Variants in CACNA1C observed in about 807,000 individuals in gnomAD.
The protein encoded by CACNA1C is voltage-dependent L-type calcium channel subunit alpha-1C.
In CACNA1C, 30 loss-of-function variants were observed where a neutral mutation model predicts 229.0. The ratio of observed to expected loss-of-function variants is 0.13; its 90% CI spans 0.10 to 0.18. CACNA1C has a LOEUF of 0.18. Among genes scored for constraint, CACNA1C ranks in the 10% least tolerant of loss-of-function variants. The pLI is 1.00. For synonymous variants in CACNA1C, 1,114 were observed against 1,132.5 expected (o/e 0.98, Z 0.33); for missense variants, 1,658 against 2,845.0 (o/e 0.58, Z 9.49).
At chr12:2,242,879 CTG>C (rs2071190676) in intron 3 of CACNA1C, among the ~76,000 whole-genome samples, 2 of 152,182 alleles carry the variant, frequency 1.3e-5, no homozygotes, top group Non-Finnish European at 2.9e-5. Flanking sequence ...CAAAAGAACC[CTG>C]TGTGGTTAGC....
At chr12:1,975,708 T>G (rs893859403) in intron 1 of CACNA1C, among the ~76,000 whole-genome samples, 1 of 152,188 alleles carries the variant, frequency 6.6e-6, no homozygotes, top group African/African-American at 2.4e-5. Context: ...AGAACCTTAA[T>G]AGTCTTTATG....
intron 9 of CACNA1C, among the ~76,000 whole-genome samples, chr12:2,541,335 A>T (rs1473642087): frequency 6.6e-6 from 1 of 152,240 alleles, no homozygotes; most frequent in Non-Finnish European, 1.5e-5. Flanking sequence ...TTTGCTTGTT[A>T]ACCGTAAGTC....
chr12:2,436,621 T>G (rs114636074), intron 3 of CACNA1C, among the ~76,000 whole-genome samples: 2,286 of 152,314 alleles, frequency 0.015, 61 homozygotes, highest in African/African-American at 0.052. Flanking sequence ...TTCCAGTGTC[T>G]GCACGCTACT....
chr12:2,280,946 G>A (rs1396313985), intron 3 of CACNA1C, among the ~76,000 whole-genome samples: 1 of 152,214 alleles, frequency 6.6e-6, no homozygotes, highest in Non-Finnish European at 1.5e-5. Flanking sequence ...AACAGTTGCT[G>A]TAGGGCTCAT....
chr12:2,314,654 G>C (rs890352351), intron 3 of CACNA1C, among the ~76,000 whole-genome samples: 1 of 152,290 alleles, frequency 6.6e-6, no homozygotes, highest in Middle Eastern at 3.4e-3. Context: ...ATCCATGCCT[G>C]TAGTTTTAAA....
intron 3 of CACNA1C, among the ~76,000 whole-genome samples, chr12:2,326,591 TCA>T (rs1323358849): frequency 3.3e-5 from 5 of 152,210 alleles, no homozygotes; most frequent in Admixed American, 6.5e-5. Flanking sequence ...AGGAATGTAA[TCA>T]GGCTTGACCC....
At chr12:2,626,249 C>T (rs1311266342) in intron 29 of CACNA1C, among the ~76,000 whole-genome samples, 2 of 152,194 alleles carry the variant, frequency 1.3e-5, no homozygotes, top group African/African-American at 4.8e-5. Flanking sequence ...CAGGAGCACT[C>T]GCCCACTAGG....
chr12:2,463,005 T>G (rs149984835), intron 5 of CACNA1C, among the ~76,000 whole-genome samples: 4 of 147,108 alleles, frequency 2.7e-5, no homozygotes, highest in African/African-American at 1.0e-4. Context: ...CTCCGCCTCC[T>G]GGGTTCACGC....
Position 2,140,188 on chromosome 12 carries a change from T to TGGGACA in CACNA1C, c.477+19767_477+19772dup, listed in dbSNP as rs1325119167. On this transcript the variant is annotated intron_variant, in intron 3 of 46. Coordinates refer to ENST00000399655, the MANE Select transcript of CACNA1C (RefSeq NM_000719.7). ...TCCCATAACCAGAGAACCTCTGTCC[T>TGGGACA]GGGACAGGGACAGGCCCCAGCTCAC... Among the ~76,000 whole-genome samples, 7 of 151,252 alleles carry TGGGACA rather than the reference T, an allele frequency of 4.6e-5. No individual in the cohort carries two copies. In the East Asian group the frequency reaches 1.4e-3, roughly 29 times the overall value.
chr12:2,068,818 G>C (rs999377060), intron 1 of CACNA1C, among the ~76,000 whole-genome samples: 1 of 152,166 alleles, frequency 6.6e-6, no homozygotes, highest in Non-Finnish European at 1.5e-5. Context: ...GGGCAGCGCT[G>C]ACCCCAGCTT....
chr12:2,350,549 T>C (rs569064537), intron 3 of CACNA1C, among the ~76,000 whole-genome samples: 1 of 152,164 alleles, frequency 6.6e-6, no homozygotes, highest in African/African-American at 2.4e-5. Context: ...GGCCTGAATG[T>C]GTCCACAATG....
At position 2,602,068 on chromosome 12, in the gene CACNA1C, G is replaced by T. The variant is rs1014976266; in HGVS notation, c.2960+108G>T. ...GCCTGCAGGGCCACCGCAGTGTGAT[G>T]AGAGTGGGGTGGGGCCTCCAAAGCT... On this transcript the variant is annotated intron_variant, in intron 22 of 46. Transcript: ENST00000399655. The surrounding 1 kb of genome is among the most constrained non-coding windows in gnomAD (Gnocchi z 4.4). The T allele has an allele frequency of 8.8e-5, 65 of 737,406 alleles. No homozygotes were observed. In the Admixed American group the frequency reaches 1.2e-3, roughly 14 times the overall value. 45.7% of individuals were successfully genotyped at this position (737,406 alleles called of 1,614,324 possible).
chr12:2,522,081 G>C (rs1309783079), intron 9 of CACNA1C, among the ~76,000 whole-genome samples: 1 of 152,136 alleles, frequency 6.6e-6, no homozygotes, highest in African/African-American at 2.4e-5. Context: ...TCTGCCTACA[G>C]CACCTGTTTC....
intron 1 of CACNA1C, among the ~76,000 whole-genome samples, chr12:2,023,945 G>A (rs2046895440): frequency 6.6e-6 from 1 of 152,174 alleles, no homozygotes; most frequent in South Asian, 2.1e-4. Flanking sequence ...CCGGGAGTCA[G>A]GAAACCTGGG....
At chr12:2,111,971 T>G (rs1303810570) in intron 1 of CACNA1C, among the ~76,000 whole-genome samples, 1 of 152,112 alleles carries the variant, frequency 6.6e-6, no homozygotes, top group Non-Finnish European at 1.5e-5. Flanking sequence ...ATCCAGCCCC[T>G]TGTATCTCGA....
chr12:2,395,897 G>A (rs193134271), intron 3 of CACNA1C, among the ~76,000 whole-genome samples: 9 of 152,284 alleles, frequency 5.9e-5, no homozygotes, highest in African/African-American at 1.7e-4. Context: ...ACAAACACAC[G>A]TCATCTTATT....
chr12:2,475,450 G>A (rs897020230), intron 5 of CACNA1C, among the ~76,000 whole-genome samples: 5 of 152,238 alleles, frequency 3.3e-5, no homozygotes, highest in Non-Finnish European at 7.3e-5. Flanking sequence ...GGAATTGTCA[G>A]ATATAGACTT....
At chr12:2,316,762 C>T (rs1237808185) in intron 3 of CACNA1C, among the ~76,000 whole-genome samples, 2 of 152,172 alleles carry the variant, frequency 1.3e-5, no homozygotes, top group Non-Finnish European at 2.9e-5. Context: ...CTTGTGCTGG[C>T]AGCCTGCGTG....
rs1337793605 is a variant in CACNA1C at position 2,575,572 on chromosome 12, A to G, written c.1896-6018A>G. Among the ~76,000 whole-genome samples the G allele has an allele frequency of 6.6e-6, 1 of 152,156 alleles. No individual in the cohort carries two copies. The highest frequency in any genetic ancestry group is 1.5e-5 in the Non-Finnish European group (1 of 68,014). ...CTCCCATGAAGCCCCAGCCACACAGATTCACCACAGGGGACTGCTTTATAA... is the reference window on the plus strand; with the variant it reads ...CTCCCATGAAGCCCCAGCCACACAGGTTCACCACAGGGGACTGCTTTATAA... On this transcript the variant is annotated intron_variant, in intron 13 of 46. Coordinates refer to ENST00000399655, the MANE Select transcript of CACNA1C (RefSeq NM_000719.7). This position sits in a 1 kb window ranked among gnomAD's most constrained non-coding sequence, Gnocchi z 4.0.
Sources: allele counts gnomAD v4.1 joint callset (sites outside exome capture counted in the v4.1 genomes callset), GRCh38; gene constraint gnomAD v4.1.1; non-coding constraint Gnocchi (gnomAD v3.1); transcripts MANE v1.5; gene names NCBI Gene and HGNC (gene_info 2026-07-23, HGNC 2026-07-21).